ADAMTSL3: variants seen among roughly 807,000 people sequenced by gnomAD.
ADAMTSL3 encodes the protein ADAMTS-like protein 3.
In ADAMTSL3, 128 loss-of-function variants were observed where a neutral mutation model predicts 201.7. That is an observed-to-expected ratio of 0.63 (90% CI 0.55 to 0.73). The LOEUF (loss-of-function observed/expected upper bound fraction) is 0.73, where lower values mean the gene tolerates loss of function less well. Among genes scored for constraint, ADAMTSL3 ranks in the 30% least tolerant of loss-of-function variants. The pLI is 0.00. For synonymous variants in ADAMTSL3, 738 were observed against 748.4 expected (o/e 0.99, Z 0.23); for missense variants, 1,990 against 2,119.6 (o/e 0.94, Z 1.20).
chr15:83,761,188 C>T (rs771804537), intron 3 of ADAMTSL3, among the ~76,000 whole-genome samples: 3 of 151,942 alleles, frequency 2.0e-5, no homozygotes, highest in South Asian at 2.1e-4. Flanking sequence ...TTATCAAAGT[C>T]GAATATTAAT....
chr15:83,823,101 CAGG>C (rs898698440), intron 6 of ADAMTSL3, among the ~76,000 whole-genome samples: 24 of 151,112 alleles, frequency 1.6e-4, no homozygotes, highest in African/African-American at 5.8e-4. Context: ...CAGGCTGAGG[CAGG>C]AGAATGAGGC....
At chr15:83,685,014 G>A (rs1481900878) in intron 2 of ADAMTSL3, among the ~76,000 whole-genome samples, 1 of 151,958 alleles carries the variant, frequency 6.6e-6, no homozygotes, top group Non-Finnish European at 1.5e-5. Flanking sequence ...TGATATTGTC[G>A]GGCTTTTTCT....
intron 2 of ADAMTSL3, among the ~76,000 whole-genome samples, chr15:83,688,884 C>T (rs2061575026): frequency 6.6e-6 from 1 of 152,196 alleles, no homozygotes; most frequent in Non-Finnish European, 1.5e-5. Context: ...TCTTGGCTCA[C>T]TGCAGCTTCC....
chr15:83,691,860 C>G (rs113642962), intron 2 of ADAMTSL3, among the ~76,000 whole-genome samples: 15,414 of 152,170 alleles, frequency 0.1, 1,003 homozygotes, highest in East Asian at 0.35. Context: ...GTGATCTGCC[C>G]GCTTTGGCCT....
At chr15:83,656,515 A>T (rs931866000) in intron 2 of ADAMTSL3, among the ~76,000 whole-genome samples, 1 of 152,158 alleles carries the variant, frequency 6.6e-6, no homozygotes, top group African/African-American at 2.4e-5. Flanking sequence ...GCCAGATCTT[A>T]TTTTTCAAGA....
intron 3 of ADAMTSL3, among the ~76,000 whole-genome samples, chr15:83,772,679 A>T (rs1403987503): frequency 6.6e-6 from 1 of 151,414 alleles, no homozygotes; most frequent in East Asian, 2.0e-4. Context: ...ACACACAAGC[A>T]AGTCAGAATT....
At chr15:84,021,268 C>T in intron 25 of ADAMTSL3, 142 bp from the exon 26 acceptor site, 1 of 816,178 alleles carries the variant, frequency 1.2e-6, no homozygotes, top group Non-Finnish European at 2.0e-6. Flanking sequence ...TAGAGGACTC[C>T]CTTGCACTAT....
chr15:83,919,335 G>T (rs894942208), intron 16 of ADAMTSL3, among the ~76,000 whole-genome samples: 1 of 152,128 alleles, frequency 6.6e-6, no homozygotes, highest in Non-Finnish European at 1.5e-5. Context: ...ACACTAAGCC[G>T]CAAAAGTCTA....
chr15:83,808,511 C>A (rs568715393), intron 5 of ADAMTSL3, among the ~76,000 whole-genome samples: 3 of 152,112 alleles, frequency 2.0e-5, no homozygotes, highest in African/African-American at 4.8e-5. Context: ...GAAAAGGGAA[C>A]CCTTATTGCT....
intron 2 of ADAMTSL3, among the ~76,000 whole-genome samples, chr15:83,701,847 G>A (rs900026779): frequency 5.9e-5 from 9 of 152,158 alleles, no homozygotes; most frequent in South Asian, 2.1e-4. Context: ...CAGTGGAATC[G>A]GGTGCTGCTG....
chr15:83,892,953 C>CCACCATGCTGTCTAG, intron 13 of ADAMTSL3, 65 bp downstream of exon 13: 7 of 1,476,862 alleles, frequency 4.7e-6, no homozygotes, highest in Non-Finnish European at 6.5e-6. Context: ...TTCTATATGC[C>CCACCATGCTGTCTAG]CACCATGGTG....
intron 3 of ADAMTSL3, among the ~76,000 whole-genome samples, chr15:83,746,318 T>C (rs1325343077): frequency 2.7e-5 from 4 of 150,392 alleles, no homozygotes; most frequent in African/African-American, 9.7e-5. Flanking sequence ...ACGTAACTGG[T>C]TCACATGGCC....
chr15:83,746,046 C>G (rs1416719283), intron 3 of ADAMTSL3, among the ~76,000 whole-genome samples: 1 of 152,152 alleles, frequency 6.6e-6, no homozygotes. Context: ...GTGATGCTCT[C>G]AAAATCCAGG....
At chr15:84,008,862 GAC>G (rs2067949423) in intron 23 of ADAMTSL3, among the ~76,000 whole-genome samples, 1 of 152,120 alleles carries the variant, frequency 6.6e-6, no homozygotes, top group African/African-American at 2.4e-5. Flanking sequence ...CTCAGTGAAT[GAC>G]AAGGCAGTTA....
At chr15:83,771,648 C>G (rs559797886) in intron 3 of ADAMTSL3, among the ~76,000 whole-genome samples, 1 of 152,180 alleles carries the variant, frequency 6.6e-6, no homozygotes, top group Admixed American at 6.5e-5. Flanking sequence ...CATAGCATTT[C>G]GTTGTGTGTA....
intron 2 of ADAMTSL3, among the ~76,000 whole-genome samples, chr15:83,696,799 C>T (rs1005919348): frequency 2.6e-5 from 4 of 152,120 alleles, no homozygotes; most frequent in African/African-American, 4.8e-5. Flanking sequence ...TTTGGGCTGA[C>T]GTGAAGCAGG....
At chr15:83,715,130 G>T (rs888961594) in intron 3 of ADAMTSL3, among the ~76,000 whole-genome samples, 2 of 152,070 alleles carry the variant, frequency 1.3e-5, no homozygotes, top group Admixed American at 6.6e-5. Flanking sequence ...AACAAACCCT[G>T]TGGGGATGCT....
chr15:83,860,808 G>A (rs564956285), intron 8 of ADAMTSL3, among the ~76,000 whole-genome samples: 2 of 152,224 alleles, frequency 1.3e-5, no homozygotes, highest in African/African-American at 2.4e-5. Flanking sequence ...GGGGAGTGTC[G>A]GAGAGTGGGT....
At chr15:83,715,423 C>G (rs1178626550) in intron 3 of ADAMTSL3, among the ~76,000 whole-genome samples, 1 of 152,158 alleles carries the variant, frequency 6.6e-6, no homozygotes, top group Admixed American at 6.5e-5. Context: ...TAACATACAC[C>G]TCCCTTCCCA....
Sources: gnomAD v4.1 joint callset for allele counts (sites outside exome capture counted in the v4.1 genomes callset) on GRCh38, gnomAD v4.1.1 for gene constraint, MANE v1.5 for transcripts, NCBI Gene and HGNC (gene_info 2026-07-23, HGNC 2026-07-21) for gene names.